The following ZC3H13 variants were observed in gnomAD, a reference collection of about 807,000 sequenced individuals.
ZC3H13 encodes zinc finger CCCH-type containing 13.
ZC3H13 carries 64 observed loss-of-function variants against 204.1 expected under a neutral mutation model. That is an observed-to-expected ratio of 0.31 (90% confidence interval 0.26 to 0.39). The LOEUF (loss-of-function observed/expected upper bound fraction) is 0.39. Among genes scored for constraint, ZC3H13 ranks in the 10% least tolerant of loss-of-function variants. ZC3H13 has a pLI of 1.00. For missense variants in ZC3H13, 1,833 were observed against 2,082.7 expected, an observed-to-expected ratio of 0.88 and a Z score of 2.33; for synonymous variants, 667 against 693.7, an observed-to-expected ratio of 0.96 and a Z score of 0.60.
At chr13:45,963,821 G>A in intron 17 of ZC3H13, 21 bp downstream of exon 17, 1 of 1,613,438 alleles carries the variant, frequency 6.2e-7, no homozygotes, top group South Asian at 1.1e-5. Flanking sequence ...ACATTATATA[G>A]TTAAAGTAAA....
At chr13:45,964,125 G>A in intron 16 of ZC3H13, 83 bp from the exon 17 acceptor site, 2 of 1,314,492 alleles carry the variant, frequency 1.5e-6, no homozygotes, top group South Asian at 2.9e-5. Context: ...CATAAATCAA[G>A]GAGAAAACAG....
At chr13:45,970,210 A>C (rs1952469648) in intron 13 of ZC3H13, 152 bp downstream of exon 13, 2 of 886,340 alleles carry the variant, frequency 2.3e-6, no homozygotes, top group East Asian at 4.9e-5. Context: ...ACTCTAACAC[A>C]TACTTTAGTC....
At chr13:45,989,183 A>T (rs2039786764) in intron 8 of ZC3H13, 86 bp from the exon 9 acceptor site, 1 of 1,240,168 alleles carries the variant, frequency 8.1e-7, no homozygotes, top group South Asian at 1.6e-5. Flanking sequence ...AAAAAAGTGA[A>T]TATGAAAGTA....
chr13:45,975,317 T>G lies in ZC3H13; in HGVS notation c.2434A>C (p.Asn812His). The change falls in exon 12 of 19, where the codon AAT (asparagine) becomes CAT (histidine). Residue 812 changes from asparagine to histidine, a missense_variant. Asn to His is a moderately conservative substitution (Grantham distance 68). Transcript: ENST00000679008. ...CTTTCATCATGTCCATCTCTTGGAT[T>G]CCTATCTTCTCGGATCTCTTCTCGC... ...EKREEIREDR[N>H]PRDGHDERKS... 1.9e-6 allele frequency: 3 copies of G among 1,613,720 alleles called. No homozygotes were observed. The highest frequency in any genetic ancestry group is 1.7e-6 in the Non-Finnish European group (2 of 1,179,694).
intron 15 of ZC3H13, among the ~76,000 whole-genome samples, chr13:45,966,223 T>C (rs542394691): frequency 8.3e-4 from 127 of 152,308 alleles, no homozygotes; most frequent in South Asian, 7.0e-3. Flanking sequence ...TCACTGAATC[T>C]ACAATACTAA....
At chr13:46,039,719 A>G (rs889874605) in intron 4 of ZC3H13, among the ~76,000 whole-genome samples, 1 of 152,210 alleles carries the variant, frequency 6.6e-6, no homozygotes, top group Non-Finnish European at 1.5e-5. Context: ...AACAAAGATA[A>G]TAAGTACTCA....
chr13:45,962,060 T>C (rs1725588411), intron 17 of ZC3H13: 1 of 605,780 alleles, frequency 1.7e-6, no homozygotes, highest in Admixed American at 6.4e-5. Flanking sequence ...ATAGACAAAA[T>C]GGAAAAGAAA....
At chr13:46,016,897 T>A (rs1246860374) in intron 5 of ZC3H13, among the ~76,000 whole-genome samples, 7 of 152,086 alleles carry the variant, frequency 4.6e-5, no homozygotes, top group Non-Finnish European at 8.8e-5. Context: ...TAGTAGTATA[T>A]CAAGAGAAAC....
chr13:45,983,558 C>CT (rs1400157358), intron 10 of ZC3H13, among the ~76,000 whole-genome samples: 2 of 146,880 alleles, frequency 1.4e-5, no homozygotes, highest in Non-Finnish European at 3.0e-5. Context: ...TCCCGAGTAG[C>CT]TGGGATTACA....
chr13:46,013,726 T>A (rs2041729052), intron 5 of ZC3H13, among the ~76,000 whole-genome samples: 1 of 152,192 alleles, frequency 6.6e-6, no homozygotes, highest in South Asian at 2.1e-4. Flanking sequence ...TCACTACAAT[T>A]TTGCCTTATA....
chr13:46,023,212 G>A (rs2042327741), intron 4 of ZC3H13, among the ~76,000 whole-genome samples: 1 of 152,128 alleles, frequency 6.6e-6, no homozygotes, highest in South Asian at 2.1e-4. Context: ...CACAATATTT[G>A]TATAGCTATG....
chr13:45,957,447 T>C (rs1951340722), intron 18 of ZC3H13, 150 bp from the exon 19 acceptor site: 2 of 831,238 alleles, frequency 2.4e-6, no homozygotes, highest in Admixed American at 8.3e-5. Flanking sequence ...AAAGCAAAAT[T>C]AGAAAATGTG....
In ZC3H13 at chr13:46,020,512, T is replaced by C; in HGVS notation, c.385A>G (p.Ile129Val). The C allele has an allele frequency of 6.2e-7, 1 of 1,611,836 alleles. No individual in the cohort carries two copies. Among genetic ancestry groups the C allele is most frequent in the Middle Eastern group, 1.7e-4 (1 of 6,050 alleles). The change falls in exon 5 of 19, where the codon ATC (isoleucine) becomes GTC (valine). Residue 129 changes from isoleucine to valine, a missense_variant. Physicochemically the swap from Ile to Val is conservative, Grantham distance 29. Coordinates refer to ENST00000679008, the MANE Select transcript of ZC3H13 (RefSeq NM_001330564.2). Reference sequence around the variant, plus strand: ...CTTTCTGGAGTTCTTTCCTTAGTGATTTTTATGTCTTCCTTTTCCCTATGT... The same window carrying C: ...CTTTCTGGAGTTCTTTCCTTAGTGACTTTTATGTCTTCCTTTTCCCTATGT... ...GRHREKEDIK[I>V]TKERTPESEE...
chr13:45,968,137 A>G, intron 14 of ZC3H13, 109 bp from the exon 15 acceptor site: 3 of 1,157,084 alleles, frequency 2.6e-6, no homozygotes, highest in South Asian at 1.8e-5. Flanking sequence ...TCCATATTCT[A>G]TGTAACTTTC....
At position 45,969,855 on chromosome 13, in the gene ZC3H13, C is replaced by G. The variant is rs1362565958; in HGVS notation, c.2689G>C (p.Glu897Gln). 6 of 1,613,814 alleles carry G rather than the reference C, an allele frequency of 3.7e-6. No individual in the cohort carries two copies. In the South Asian group the frequency reaches 6.6e-5, roughly 18 times the overall value. Residue 897 changes from glutamate (E) to glutamine (Q), a missense_variant, in exon 14 of 19, where the codon GAA becomes CAA. Coordinates refer to ENST00000679008, the MANE Select transcript of ZC3H13 (RefSeq NM_001330564.2). The part of the protein sequence containing the change: ...GRWKEEDRKP[E>Q]RKESSRRYEE... ...TAGCGCCTTGAACTCTCTTTCCTTT[C>G]TGGTTTACGATCCTCCTCTTTCCAT... is the stretch of plus-strand genomic sequence containing the variant.
chr13:45,964,776 T>C (rs1951953457), intron 16 of ZC3H13, among the ~76,000 whole-genome samples: 1 of 152,200 alleles, frequency 6.6e-6, no homozygotes, highest in Non-Finnish European at 1.5e-5. Flanking sequence ...CTTCATGGTA[T>C]AATCACTGGA....
At chr13:45,992,085 A>G (rs1315654046) in intron 8 of ZC3H13, among the ~76,000 whole-genome samples, 3 of 152,160 alleles carry the variant, frequency 2.0e-5, no homozygotes, top group Admixed American at 1.3e-4. Flanking sequence ...AACCTTTAAA[A>G]TCATGTAAAA....
At chr13:45,974,279 C>T (rs1323211538) in intron 12 of ZC3H13, among the ~76,000 whole-genome samples, 1 of 152,168 alleles carries the variant, frequency 6.6e-6, no homozygotes, top group East Asian at 1.9e-4. Context: ...TCCTCACCAA[C>T]TAATGAGAGC....
intron 5 of ZC3H13, among the ~76,000 whole-genome samples, chr13:46,016,595 T>C (rs1301308300): frequency 6.6e-6 from 1 of 152,068 alleles, no homozygotes; most frequent in African/African-American, 2.4e-5. Context: ...GAGGAGTGAC[T>C]AGAAGAAAAC....
Sources: gnomAD v4.1 joint callset for allele counts (sites outside exome capture counted in the v4.1 genomes callset) on GRCh38, gnomAD v4.1.1 for gene constraint, MANE v1.5 for transcripts, NCBI Gene and HGNC (gene_info 2026-07-23, HGNC 2026-07-21) for gene names.